The following DGKD variants were observed in gnomAD, a reference collection of about 807,000 sequenced individuals.
The protein encoded by DGKD is diacylglycerol kinase delta.
Under a neutral mutation model 154.4 loss-of-function variants are expected in DGKD, and 68 were observed. The ratio of observed to expected loss-of-function variants is 0.44; its 90% CI spans 0.36 to 0.54. The LOEUF is 0.54. Ranked by LOEUF, DGKD falls within the 20% of genes least tolerant of loss-of-function variation. The pLI is 0.00. For missense variants in DGKD, 1,343 were observed against 1,593.6 expected (o/e 0.84, Z 2.68); for synonymous variants, 693 against 638.0 (o/e 1.09, Z -1.30).
chr2:233,424,474 A>G (rs988168130), intron 3 of DGKD, among the ~76,000 whole-genome samples: 1 of 152,196 alleles, frequency 6.6e-6, no homozygotes, highest in Non-Finnish European at 1.5e-5. Context: ...AGATGTTGGT[A>G]TCGTCCTTGT....
chr2:233,372,083 A>G (rs10153744), intron 1 of DGKD, among the ~76,000 whole-genome samples: 33,201 of 151,972 alleles, frequency 0.22, 4,255 homozygotes, highest in African/African-American at 0.36. Context: ...GTGCAGTGGT[A>G]TGATCTCCGT....
At chr2:233,461,629 C>T (rs767996979) in intron 24 of DGKD, among the ~76,000 whole-genome samples, 2 of 152,238 alleles carry the variant, frequency 1.3e-5, no homozygotes, top group Non-Finnish European at 2.9e-5. Context: ...TGGTGGCCTC[C>T]CCTGGAAAGC....
rs1340396939 is a variant in DGKD at position 233,457,666 on chromosome 2, G to A, written c.2580+338G>A. On this transcript the variant is annotated intron_variant, in intron 21 of 29. Coordinates refer to ENST00000264057, the MANE Select transcript of DGKD (RefSeq NM_152879.3). The surrounding 1 kb of genome is among the most constrained non-coding windows in gnomAD (Gnocchi z 5.5). ...TAAGTTAGGTGGGCAGAGGAGAGGG[G>A]GAGGCTGTTCCAGGCAGAGAGAATT... 1 of 462,206 alleles carries A rather than the reference G, an allele frequency of 2.2e-6. No homozygotes were observed. The highest frequency in any genetic ancestry group is 1.7e-5 in the South Asian group (1 of 59,284). The allele number at this position is 462,206 out of a possible 1,614,324, so 28.6% of individuals were successfully genotyped here.
chr2:233,433,405 C>T (rs1327042682), intron 3 of DGKD, among the ~76,000 whole-genome samples: 2 of 151,580 alleles, frequency 1.3e-5, no homozygotes, highest in Non-Finnish European at 2.9e-5. Flanking sequence ...AACAGTTGAA[C>T]TAATGGAGAT....
intron 1 of DGKD, among the ~76,000 whole-genome samples, chr2:233,365,414 T>A (rs1270108472): frequency 1.3e-5 from 2 of 152,090 alleles, no homozygotes; most frequent in African/African-American, 4.8e-5. Context: ...AATTTTTGTA[T>A]TTTTAATAGA....
rs948680937 is a variant in DGKD at position 233,470,908 on chromosome 2, A to G, written c.*1448A>G. 1.3e-5 allele frequency: 2 copies of G among 152,166 alleles called. No individual in the cohort carries two copies. The highest frequency in any genetic ancestry group is 4.8e-5 in the African/African-American group (2 of 41,326). The allele number at this position is 152,166 out of a possible 1,614,324, so 9.4% of individuals were successfully genotyped here. A position where few individuals can be genotyped will look rare whatever the true frequency, so the allele number is the denominator to read the frequency against. ...TTGGGAGTATCTGCCGGCGCTGTCC[A>G]GGTCCTTTAGTCAGCGTCACTCCAT... On this transcript the variant is annotated 3_prime_UTR_variant, in exon 30 of 30. Transcript: ENST00000264057.
At chr2:233,460,454 G>T in intron 24 of DGKD, 109 bp downstream of exon 24, 1 of 1,413,244 alleles carries the variant, frequency 7.1e-7, no homozygotes, top group Non-Finnish European at 9.5e-7. Flanking sequence ...CTTTTGTGGG[G>T]TCTGCATTAC....
intron 3 of DGKD, among the ~76,000 whole-genome samples, chr2:233,424,704 C>G (rs937244746): frequency 6.6e-6 from 1 of 152,338 alleles, no homozygotes; most frequent in Admixed American, 6.5e-5. Context: ...CTGGCCACAT[C>G]AGCTCATTTG....
chr2:233,419,316 G>C, intron 3 of DGKD: 1 of 985,528 alleles, frequency 1.0e-6, no homozygotes, highest in Non-Finnish European at 1.2e-6. Flanking sequence ...TAATCTGTAG[G>C]CTCTTGCCCA....
chr2:233,433,791 AT>A (rs567738475), intron 3 of DGKD, among the ~76,000 whole-genome samples: 2 of 152,018 alleles, frequency 1.3e-5, no homozygotes, highest in Non-Finnish European at 2.9e-5. Flanking sequence ...TATCAGGAAG[AT>A]TTTTTTTCTA....
chr2:233,437,545 C>A, intron 8 of DGKD, 66 bp downstream of exon 8: 1 of 1,466,732 alleles, frequency 6.8e-7, no homozygotes. Context: ...CGCACTTTCT[C>A]TTCTCCAGCT....
At chr2:233,380,074 C>G (rs893453388) in intron 1 of DGKD, 3 of 152,168 alleles carry the variant, frequency 2.0e-5, no homozygotes, top group Admixed American at 6.5e-5. Context: ...GTAGGCGGAG[C>G]TGAAGAGGAG....
chr2:233,397,217 T>G (rs1330732804), intron 3 of DGKD, among the ~76,000 whole-genome samples: 29 of 1,484 alleles, frequency 0.02, no homozygotes, highest in Admixed American at 0.049. Context: ...GGGGGGGGGG[T>G]GCCAGAGTGA....
chr2:233,416,120 G>A (rs894544634), intron 3 of DGKD, among the ~76,000 whole-genome samples: 1 of 152,104 alleles, frequency 6.6e-6, no homozygotes, highest in Non-Finnish European at 1.5e-5. Flanking sequence ...CCTCATTTAT[G>A]TTTTATTGTG....
intron 1 of DGKD, among the ~76,000 whole-genome samples, chr2:233,376,644 G>T (rs564319162): frequency 2.0e-5 from 3 of 152,232 alleles, no homozygotes; most frequent in African/African-American, 7.2e-5. Flanking sequence ...TAGGGACATG[G>T]ATGAAGCTGG....
chr2:233,442,193 C>T (rs746768736), intron 10 of DGKD, 198 bp downstream of exon 10: 4 of 689,444 alleles, frequency 5.8e-6, no homozygotes, highest in South Asian at 3.0e-5. Context: ...TGTGGAGGCC[C>T]GGGGGCTCTG....
intron 1 of DGKD, chr2:233,385,820 T>G (rs1340953967): frequency 2.6e-6 from 1 of 386,136 alleles, no homozygotes; most frequent in Admixed American, 3.3e-5. Context: ...GGAGAAGAAA[T>G]GCAGTTTCTG....
intron 3 of DGKD, among the ~76,000 whole-genome samples, chr2:233,420,703 C>G (rs571089259): frequency 2.0e-5 from 3 of 152,330 alleles, no homozygotes; most frequent in South Asian, 2.1e-4. Flanking sequence ...ACAACTGATT[C>G]CTGATTCCTG....
Position 233,452,034 on chromosome 2 carries a change from TCCCTTCA to T in DGKD, c.2239_2245del (p.Pro747ThrfsTer7). 6.2e-7 allele frequency: 1 copy of T among 1,614,056 alleles called. No homozygotes were observed. The highest frequency in any genetic ancestry group is 8.5e-7 in the Non-Finnish European group (1 of 1,179,950). ...TCAGTCGCCTGTTAATTAATGCTGA[TCCCTTCA>T]ACTCTGAACCAGAAACCCTGTGAGT... On this transcript the variant is annotated frameshift_variant, in exon 18 of 30. Transcript: ENST00000264057. LOFTEE classifies it high-confidence loss of function. This position sits in a 1 kb window ranked among gnomAD's most constrained non-coding sequence, Gnocchi z 4.0.
Sources: allele counts gnomAD v4.1 joint callset (sites outside exome capture counted in the v4.1 genomes callset), GRCh38; gene constraint gnomAD v4.1.1; non-coding constraint Gnocchi (gnomAD v3.1); transcripts MANE v1.5; gene names NCBI Gene and HGNC (gene_info 2026-07-23, HGNC 2026-07-21).